CGGBP1: variants seen among roughly 807,000 people sequenced by gnomAD.
CGGBP1 encodes CGG triplet repeat binding protein 1.
In CGGBP1, 4 loss-of-function variants were observed where a neutral mutation model predicts 11.4. That is an observed-to-expected ratio of 0.35 (90% CI 0.17 to 0.80). CGGBP1 has a LOEUF of 0.80. CGGBP1 is among the 30% of genes least tolerant of loss of function. The pLI, the probability that CGGBP1 is intolerant of heterozygous loss-of-function variation, is 0.52. For synonymous variants in CGGBP1, 76 were observed against 74.1 expected (o/e 1.03, Z -0.13); for missense variants, 135 against 202.1 (o/e 0.67, Z 2.01).
chr3:88,128,825 T>A (rs751595280), intron 2 of CGGBP1: 1 of 1,534,768 alleles, frequency 6.5e-7, no homozygotes, highest in Non-Finnish European at 8.7e-7. Flanking sequence ...AATATTTAAG[T>A]TCTGAAAATC....
intron 2 of CGGBP1, among the ~76,000 whole-genome samples, chr3:88,126,579 CTTTTTTTT>C (rs144091813): frequency 7.3e-5 from 6 of 81,774 alleles, no homozygotes; most frequent in East Asian, 4.0e-4. Flanking sequence ...GTAGAAACAT[CTTTTTTTT>C]TTTTTTTTTT....
chr3:88,085,735 C>A (rs1408542171), intron 2 of CGGBP1, among the ~76,000 whole-genome samples: 1 of 152,092 alleles, frequency 6.6e-6, no homozygotes, highest in Non-Finnish European at 1.5e-5. Context: ...AGTGACAGAG[C>A]CAAGACTGAC....
chr3:88,147,074 C>G (rs1378625222), intron 1 of CGGBP1, among the ~76,000 whole-genome samples: 1 of 152,156 alleles, frequency 6.6e-6, no homozygotes, highest in Admixed American at 6.5e-5. Flanking sequence ...CTGCCAGTGC[C>G]TTCAAAGCTC....
intron 2 of CGGBP1, among the ~76,000 whole-genome samples, chr3:88,102,576 TATGGCCC>T (rs1704488589): frequency 6.6e-6 from 1 of 152,198 alleles, no homozygotes. Flanking sequence ...ATTCACAAAC[TATGGCCC>T]ATGGGCCAAA....
At chr3:88,088,547 G>A (rs375804611) in intron 2 of CGGBP1, among the ~76,000 whole-genome samples, 7 of 152,090 alleles carry the variant, frequency 4.6e-5, no homozygotes, top group African/African-American at 1.7e-4. Context: ...AAGTTCTGTA[G>A]GAAGGTTGGA....
At chr3:88,066,309 C>A (rs942079641) in intron 2 of CGGBP1, among the ~76,000 whole-genome samples, 1 of 152,172 alleles carries the variant, frequency 6.6e-6, no homozygotes, top group African/African-American at 2.4e-5. Flanking sequence ...TGTGGTGGCT[C>A]ACACCTGTAA....
intron 2 of CGGBP1, among the ~76,000 whole-genome samples, chr3:88,132,517 CA>C (rs1448276586): frequency 2.6e-5 from 4 of 152,100 alleles, no homozygotes; most frequent in Non-Finnish European, 5.9e-5. Context: ...TGTTTTCCTT[CA>C]GAATCCACTG....
At chr3:88,118,218 G>A (rs1705530363) in intron 2 of CGGBP1, among the ~76,000 whole-genome samples, 1 of 152,078 alleles carries the variant, frequency 6.6e-6, no homozygotes, top group South Asian at 2.1e-4. Context: ...CTAGAAGTAG[G>A]CCTTAATAAA....
upstream of CGGBP1, among the ~76,000 whole-genome samples, chr3:88,061,421 G>A (rs1304177071): frequency 6.6e-6 from 1 of 152,028 alleles, no homozygotes; most frequent in Non-Finnish European, 1.5e-5. Context: ...CTTAATGAAC[G>A]TTTATTTTCT....
chr3:88,125,469 C>G lies in CGGBP1; in HGVS notation c.-229+15501G>C, dbSNP rs151098025. The stretch of plus-strand genomic sequence containing the variant: ...CCTAGAAAATGTATGGACAAATTCA[C>G]AACTATTGCCCAACTTAACAATACA... On this transcript the variant is annotated intron_variant, in intron 2 of 3. Coordinates refer to the CGGBP1 transcript ENST00000462901. 2.0e-5 allele frequency among the ~76,000 whole-genome samples: 3 copies of G among 151,448 alleles called. No homozygotes were observed. In the East Asian group the frequency reaches 5.9e-4, roughly 30 times the overall value.
At chr3:88,139,863 T>G in intron 2 of CGGBP1, 1 of 1,603,252 alleles carries the variant, frequency 6.2e-7, no homozygotes, top group Non-Finnish European at 8.5e-7. Context: ...TGGAACTGTG[T>G]GCCATCCAAA....
At chr3:88,112,175 G>A (rs1464964381) in intron 2 of CGGBP1, among the ~76,000 whole-genome samples, 1 of 151,748 alleles carries the variant, frequency 6.6e-6, no homozygotes, top group East Asian at 1.9e-4. Context: ...TGCTATAAAT[G>A]TGTAATTTTG....
chr3:88,069,376 G>C (rs9864564), intron 2 of CGGBP1, among the ~76,000 whole-genome samples: 142,998 of 152,232 alleles, frequency 0.94, 67,707 homozygotes, highest in Non-Finnish European at 1. Flanking sequence ...GAGTCTAGAT[G>C]GCGCCGCTGC....
chr3:88,076,331 A>T (rs1321780413), intron 2 of CGGBP1, among the ~76,000 whole-genome samples: 4 of 152,200 alleles, frequency 2.6e-5, no homozygotes, highest in Non-Finnish European at 5.9e-5. Flanking sequence ...GTACTTTTGT[A>T]ACCAGTCACC....
At chr3:88,141,075 G>C in exon 2 of CGGBP1, 1 of 1,543,654 alleles carries the variant, frequency 6.5e-7, no homozygotes, top group Non-Finnish European at 8.7e-7. Flanking sequence ...CTTAGTAGAG[G>C]TATCTGTAGA....
At chr3:88,096,894 A>G (rs1704094371) in intron 2 of CGGBP1, among the ~76,000 whole-genome samples, 1 of 152,138 alleles carries the variant, frequency 6.6e-6, no homozygotes, top group Non-Finnish European at 1.5e-5. Flanking sequence ...CATATATAAG[A>G]AAAAAACCTC....
At chr3:88,110,830 A>G (rs1559717097) in intron 2 of CGGBP1, among the ~76,000 whole-genome samples, 1 of 152,224 alleles carries the variant, frequency 6.6e-6, no homozygotes, top group East Asian at 1.9e-4. Flanking sequence ...TTCTTCATAA[A>G]TACTTGCTGA....
At chr3:88,141,529 T>A (rs1211126723) in intron 1 of CGGBP1, 2 of 653,208 alleles carry the variant, frequency 3.1e-6, no homozygotes, top group Non-Finnish European at 4.7e-6. Context: ...AGCTTGTCTG[T>A]CTACTAATAT....
intron 2 of CGGBP1, among the ~76,000 whole-genome samples, chr3:88,113,963 G>A (rs1243939120): frequency 6.6e-6 from 1 of 152,060 alleles, no homozygotes; most frequent in African/African-American, 2.4e-5. Context: ...TGGAACTTAT[G>A]TTCCAATTAG....
Sources: gnomAD v4.1 joint callset for allele counts (sites outside exome capture counted in the v4.1 genomes callset) on GRCh38, gnomAD v4.1.1 for gene constraint, MANE v1.5 for transcripts, NCBI Gene and HGNC (gene_info 2026-07-23, HGNC 2026-07-21) for gene names.